Variants in RBM33 observed in about 807,000 individuals in gnomAD.
RBM33 encodes the protein RNA binding motif protein 33.
In RBM33, 28 loss-of-function variants were observed where a neutral mutation model predicts 132.6. The ratio of observed to expected loss-of-function variants is 0.21; its 90% confidence interval spans 0.16 to 0.29. The LOEUF is 0.29. Ranked by LOEUF, RBM33 falls within the 10% of genes least tolerant of loss-of-function variation. RBM33 has a pLI of 1.00. For synonymous variants in RBM33, 634 were observed against 593.0 expected (o/e 1.07, Z -1.01); for missense variants, 1,291 against 1,518.5 (o/e 0.85, Z 2.49).
chr7:155,755,431 A>C (rs1447443696), intron 14 of RBM33, among the ~76,000 whole-genome samples: 1 of 152,250 alleles, frequency 6.6e-6, no homozygotes, highest in East Asian at 1.9e-4. Flanking sequence ...CTTTACAGAA[A>C]GAGTTGCCAG....
chr7:155,735,827 A>G (rs1000810783), intron 9 of RBM33, among the ~76,000 whole-genome samples: 1 of 151,172 alleles, frequency 6.6e-6, no homozygotes, highest in East Asian at 1.9e-4. Context: ...TGTATATGAT[A>G]TGTATTCTCA....
Position 155,680,887 on chromosome 7 carries a change from T to C in RBM33, c.546T>C (p.Asn182=), listed in dbSNP as rs769474656. The C allele has an allele frequency of 4.3e-6, 7 of 1,613,618 alleles. No individual in the cohort carries two copies. The highest frequency in any genetic ancestry group is 1.7e-4 in the Middle Eastern group (1 of 6,058). Residue 182 remains asparagine, a synonymous_variant, in exon 5 of 18, where the codon AAT becomes AAC. Coordinates refer to ENST00000401878, the MANE Select transcript of RBM33 (RefSeq NM_053043.3). ...YTDEVLDIEI[N]EPLDEFTGGM... ...ATGAAGTGTTAGACATCGAGATCAA[T>C]GAACCTTTAGATGAATTTACAGTGA...
At chr7:155,700,355 T>C (rs865921847) in intron 5 of RBM33, among the ~76,000 whole-genome samples, 22 of 152,188 alleles carry the variant, frequency 1.4e-4, no homozygotes, top group African/African-American at 5.3e-4. Flanking sequence ...TATAAAATGT[T>C]GAGCCTTTAA....
At chr7:155,702,912 GACA>G (rs1800009348) in intron 6 of RBM33, among the ~76,000 whole-genome samples, 2 of 141,652 alleles carry the variant, frequency 1.4e-5, no homozygotes, top group African/African-American at 5.5e-5. Flanking sequence ...TCACTTGCTA[GACA>G]ACATTACAAA....
In RBM33 at chr7:155,775,147, C is replaced by A; in HGVS notation, c.*106C>A. 1 of 978,418 alleles carries A rather than the reference C, an allele frequency of 1.0e-6. No homozygotes were observed. Among genetic ancestry groups the A allele is most frequent in the Non-Finnish European group, 1.6e-6 (1 of 608,868 alleles). The allele number at this position is 978,418 out of a possible 1,614,324, so 60.6% of individuals were successfully genotyped here. ...CCCAGGAGCACAGGTCTCTCCGGGC[C>A]GCTGTCCTGCGTAACTGTTCTCCAG... is the stretch of plus-strand genomic sequence containing the variant. On this transcript the variant is annotated 3_prime_UTR_variant, in exon 18 of 18. Coordinates refer to ENST00000401878, the MANE Select transcript of RBM33 (RefSeq NM_053043.3).
intron 14 of RBM33, among the ~76,000 whole-genome samples, chr7:155,759,618 AC>A (rs919647678): frequency 4.0e-5 from 6 of 151,758 alleles, no homozygotes; most frequent in Non-Finnish European, 8.8e-5. Context: ...ACGGGGTTTC[AC>A]CGTGTTAGCC....
chr7:155,718,523 G>A, intron 9 of RBM33, 80 bp downstream of exon 9: 1 of 1,125,246 alleles, frequency 8.9e-7, no homozygotes, highest in South Asian at 1.3e-5. Context: ...AAGTGCAAGA[G>A]GTTCCAGCCA....
chr7:155,759,884 C>T (rs949031311), intron 14 of RBM33, among the ~76,000 whole-genome samples: 5 of 152,150 alleles, frequency 3.3e-5, no homozygotes, highest in African/African-American at 4.8e-5. Context: ...TCTTGCTGTC[C>T]GTCATGTTCT....
At chr7:155,735,701 C>G (rs1186707403) in intron 9 of RBM33, among the ~76,000 whole-genome samples, 1 of 145,862 alleles carries the variant, frequency 6.9e-6, no homozygotes, top group African/African-American at 2.7e-5. Context: ...GTCTCTCTCT[C>G]TCTCTCTCTC....
intron 9 of RBM33, among the ~76,000 whole-genome samples, chr7:155,721,969 T>A (rs142381346): frequency 6.6e-6 from 1 of 152,352 alleles, no homozygotes; most frequent in African/African-American, 2.4e-5. Context: ...TGCTCTTGGT[T>A]ATGTTAGTCT....
In RBM33 at chr7:155,741,825, A is replaced by G. The variant is rs1176586730; in HGVS notation, c.2056A>G (p.Thr686Ala). 7 of 1,607,052 alleles carry G rather than the reference A, an allele frequency of 4.4e-6. No homozygotes were observed. Among genetic ancestry groups the G allele is most frequent in the Admixed American group, 1.7e-5 (1 of 59,750 alleles). The change falls in exon 13 of 18, where the codon ACT (threonine) becomes GCT (alanine). Residue 686 changes from threonine to alanine, a missense_variant. By Grantham distance (58) the Thr-to-Ala change is moderately conservative. Around this residue, in one of 7 missense-constraint regions of RBM33, gnomAD observed 841 missense variants for 912.0 expected, o/e 0.92. Coordinates refer to ENST00000401878, the MANE Select transcript of RBM33 (RefSeq NM_053043.3). ...TCTTTCTTTTTGTGAAAAGAATACA[A>G]CTTCTCAGAATGTAAGCAAGCGGCC... ...PQRQGLRHNTTSQNVSKRPMQ... is the reference protein window; with the variant it reads ...PQRQGLRHNTASQNVSKRPMQ...
chr7:155,705,855 G>T (rs1478909377), intron 6 of RBM33, among the ~76,000 whole-genome samples: 1 of 152,174 alleles, frequency 6.6e-6, no homozygotes. Context: ...CTCCACACGT[G>T]TTTGCATGAG....
intron 5 of RBM33, among the ~76,000 whole-genome samples, chr7:155,699,681 G>A (rs73167133): frequency 0.065 from 9,849 of 152,186 alleles, 479 homozygotes; most frequent in African/African-American, 0.14. Flanking sequence ...TTTGCTCTCC[G>A]AAAGATCTTT....
chr7:155,698,676 TC>T (rs1303067642), intron 5 of RBM33, among the ~76,000 whole-genome samples: 1 of 152,232 alleles, frequency 6.6e-6, no homozygotes, highest in South Asian at 2.1e-4. Context: ...CCTTGTGCTA[TC>T]CTTTTGTGGC....
chr7:155,716,701 C>T (rs765517747), intron 8 of RBM33, among the ~76,000 whole-genome samples: 3 of 152,068 alleles, frequency 2.0e-5, no homozygotes, highest in Non-Finnish European at 2.9e-5. Flanking sequence ...TCTTTCTCCA[C>T]TTTCTCCAGT....
chr7:155,739,043 C>G (rs1396363685), intron 11 of RBM33: 1 of 152,320 alleles, frequency 6.6e-6, no homozygotes, highest in African/African-American at 2.4e-5. Flanking sequence ...TTTAAAAATA[C>G]GTGGAATACG....
At chr7:155,694,891 T>C (rs1799749137) in intron 5 of RBM33, among the ~76,000 whole-genome samples, 1 of 152,216 alleles carries the variant, frequency 6.6e-6, no homozygotes, top group Non-Finnish European at 1.5e-5. Flanking sequence ...TGTGGATGTA[T>C]GTTTTTGTTT....
Position 155,711,388 on chromosome 7 carries a change from T to A in RBM33, c.1134T>A (p.Thr378=). ...TGATGATGACCCCGCCACCCGTGAC[T>A]CCACAGCAGCCCAAGAACATACACA... The part of the protein sequence containing the change: ...PRMMMTPPPV[T]PQQPKNIHIN... The change falls in exon 8 of 18, where the codon ACT becomes ACA. Residue 378 remains threonine (T), a synonymous_variant. Transcript: ENST00000401878. 6.4e-7 allele frequency: 1 copy of A among 1,574,742 alleles called. No individual in the cohort carries two copies. Among genetic ancestry groups the A allele is most frequent in the Non-Finnish European group, 8.6e-7 (1 of 1,161,222 alleles).
intron 1 of RBM33, among the ~76,000 whole-genome samples, chr7:155,654,731 A>G (rs953638177): frequency 1.3e-5 from 2 of 152,116 alleles, no homozygotes; most frequent in African/African-American, 4.8e-5. Flanking sequence ...TGGAATCTTT[A>G]CTCAAATTTA....
Sources: gnomAD v4.1 joint callset for allele counts (sites outside exome capture counted in the v4.1 genomes callset) on GRCh38, gnomAD v4.1.1 for gene constraint, gnomAD v4.1.1 regional missense constraint, MANE v1.5 for transcripts, NCBI Gene and HGNC (gene_info 2026-07-23, HGNC 2026-07-21) for gene names.